The following TBL1XR1 variants were observed in gnomAD, a reference collection of about 807,000 sequenced individuals.
TBL1XR1 encodes the protein F-box-like/WD repeat-containing protein TBL1XR1.
Under a neutral mutation model 66.9 loss-of-function variants are expected in TBL1XR1, and 5 were observed. The ratio of observed to expected loss-of-function variants is 0.07; its 90% CI spans 0.04 to 0.16. TBL1XR1 has a LOEUF of 0.16. Among genes scored for constraint, TBL1XR1 ranks in the 10% least tolerant of loss-of-function variants. The probability of loss-of-function intolerance (pLI) is 1.00; values close to 1 mark genes in which losing one functional copy is unlikely to be tolerated. For synonymous variants in TBL1XR1, 210 were observed against 206.0 expected, an observed-to-expected ratio of 1.02 and a Z score of -0.17; for missense variants, 238 against 623.2, an observed-to-expected ratio of 0.38 and a Z score of 6.58.
chr3:177,082,738 T>TTTTATATATATATA lies in TBL1XR1; in HGVS notation c.-46+15727_-46+15728insTATATATATATAAA, dbSNP rs1450061640. Among the ~76,000 whole-genome samples the TTTTATATATATATA allele has an allele frequency of 0.01, 645 of 63,208 alleles. 83 individuals are homozygous for TTTTATATATATATA. The East Asian group carries it at 0.13, about 13-fold the overall frequency. 41.5% of individuals were successfully genotyped at this position (63,208 alleles called of 152,430 possible). A position where few individuals can be genotyped will look rare whatever the true frequency, so the allele number is the denominator to read the frequency against. ...TATTACTAAATTTCTAAGATAGAGA[T>TTTTATATATATATA]TATATATATATATATATATATATAT... On this transcript the variant is annotated intron_variant, in intron 2 of 15. Transcript: ENST00000457928.
chr3:177,078,073 T>G (rs1720908316), intron 2 of TBL1XR1, among the ~76,000 whole-genome samples: 1 of 152,202 alleles, frequency 6.6e-6, no homozygotes. Flanking sequence ...TTAACATTAT[T>G]ATGATGTCAC....
chr3:177,072,811 C>T (rs960713712), intron 2 of TBL1XR1, among the ~76,000 whole-genome samples: 7 of 152,196 alleles, frequency 4.6e-5, no homozygotes, highest in African/African-American at 1.7e-4. Context: ...CGCCTGTAAT[C>T]CCAACACTTT....
chr3:177,134,551 T>C (rs1728676406), intron 1 of TBL1XR1, among the ~76,000 whole-genome samples: 1 of 152,232 alleles, frequency 6.6e-6, no homozygotes, highest in Admixed American at 6.5e-5. Context: ...AAAACAGTAC[T>C]ACAATTTCCT....
In TBL1XR1 at chr3:177,103,572, A is replaced by G. The variant is rs185331861; in HGVS notation, c.-121-5031T>C. On this transcript the variant is annotated intron_variant, in intron 1 of 15. Coordinates refer to ENST00000457928, the MANE Select transcript of TBL1XR1 (RefSeq NM_024665.7). ...GAAAAATTCTAAAGAAAAGCAAATG[A>G]TATATTTTGACTGTTCTTCAAAAAT... 7.9e-5 allele frequency among the ~76,000 whole-genome samples: 12 copies of G among 152,328 alleles called. No homozygotes were observed. The East Asian group carries it at 2.3e-3, about 29-fold the overall frequency.
At chr3:177,139,534 CG>C (rs5854742) in intron 1 of TBL1XR1, among the ~76,000 whole-genome samples, 89,990 of 148,752 alleles carry the variant, frequency 0.6, 27,369 homozygotes, top group African/African-American at 0.69. Flanking sequence ...GACTCCATCT[CG>C]GGGGGAAAAA....
intron 10 of TBL1XR1, among the ~76,000 whole-genome samples, chr3:177,040,573 G>A (rs1715448697): frequency 6.6e-6 from 1 of 151,876 alleles, no homozygotes; most frequent in African/African-American, 2.4e-5. Flanking sequence ...TAAAAAGAAT[G>A]GGAAAAGAAG....
At chr3:177,058,024 T>C (rs1284263192) in intron 3 of TBL1XR1, among the ~76,000 whole-genome samples, 1 of 152,136 alleles carries the variant, frequency 6.6e-6, no homozygotes, top group Non-Finnish European at 1.5e-5. Flanking sequence ...AAAGGGGAGT[T>C]AGTCATACAG....
intron 2 of TBL1XR1, 141 bp from the exon 3 acceptor site, chr3:177,065,163 T>G (rs916660068): frequency 8.3e-6 from 4 of 481,406 alleles, no homozygotes; most frequent in Admixed American, 8.8e-5. Flanking sequence ...CCTGACAAAG[T>G]TGCTTCCAAT....
intron 1 of TBL1XR1, among the ~76,000 whole-genome samples, chr3:177,156,492 C>CA (rs201148329): frequency 4.1e-4 from 53 of 130,594 alleles, no homozygotes; most frequent in South Asian, 2.0e-3. Flanking sequence ...GACTCCATCT[C>CA]AAAAAAAAAA....
intron 1 of TBL1XR1, among the ~76,000 whole-genome samples, chr3:177,113,958 C>T (rs1261278722): frequency 6.6e-6 from 1 of 152,000 alleles, no homozygotes; most frequent in Non-Finnish European, 1.5e-5. Flanking sequence ...AAATTTAAAA[C>T]AGAAATAACC....
At chr3:177,043,555 T>G (rs1328320279) in intron 10 of TBL1XR1, among the ~76,000 whole-genome samples, 1 of 152,162 alleles carries the variant, frequency 6.6e-6, no homozygotes, top group Non-Finnish European at 1.5e-5. Context: ...GGTATTTATT[T>G]TTACATCATT....
At chr3:177,090,549 G>T (rs1030250832) in intron 2 of TBL1XR1, among the ~76,000 whole-genome samples, 1 of 150,168 alleles carries the variant, frequency 6.7e-6, no homozygotes, top group Non-Finnish European at 1.5e-5. Context: ...TCAGCTGGGT[G>T]CAGTGGCTCA....
intron 7 of TBL1XR1, chr3:177,047,753 T>A (rs1469356034): frequency 1.5e-5 from 8 of 549,912 alleles, no homozygotes; most frequent in Non-Finnish European, 2.3e-5. Context: ...TATGGGGGCC[T>A]TATATCCAAA....
intron 14 of TBL1XR1, among the ~76,000 whole-genome samples, chr3:177,028,981 A>C (rs1713551695): frequency 6.6e-6 from 1 of 152,228 alleles, no homozygotes; most frequent in Admixed American, 6.5e-5. Flanking sequence ...CCAAATGGAA[A>C]TATCTATACC....
chr3:177,170,926 A>G (rs1162840984), intron 1 of TBL1XR1, among the ~76,000 whole-genome samples: 2 of 152,056 alleles, frequency 1.3e-5, no homozygotes, highest in Non-Finnish European at 2.9e-5. Flanking sequence ...CTGTCCCTGG[A>G]TCCCCAGTTC....
chr3:177,190,359 A>G (rs146798513), intron 1 of TBL1XR1, among the ~76,000 whole-genome samples: 14 of 152,210 alleles, frequency 9.2e-5, no homozygotes, highest in African/African-American at 3.1e-4. Flanking sequence ...CTTGTTGACC[A>G]GGCTGGAGTG....
rs1174762722 is a variant in TBL1XR1 at position 177,022,919 on chromosome 3, T to C, written c.*2579A>G. 4 of 152,334 alleles carry C rather than the reference T, an allele frequency of 2.6e-5. No homozygotes were observed. The highest frequency in any genetic ancestry group is 1.3e-4 in the Admixed American group (2 of 15,246). 9.4% of individuals were successfully genotyped at this position (152,334 alleles called of 1,614,324 possible). A position where few individuals can be genotyped will look rare whatever the true frequency, so the allele number is the denominator to read the frequency against. On this transcript the variant is annotated 3_prime_UTR_variant, in exon 16 of 16. Transcript: ENST00000457928. ...AATGGATACCTTTCAGAAAAGTATATACTTAAAAGACCCAAGACGTCAGGA... is the reference window on the plus strand; with the variant it reads ...AATGGATACCTTTCAGAAAAGTATACACTTAAAAGACCCAAGACGTCAGGA...
intron 1 of TBL1XR1, among the ~76,000 whole-genome samples, chr3:177,116,002 G>C (rs981688325): frequency 1.6e-4 from 25 of 152,116 alleles, no homozygotes; most frequent in Admixed American, 1.4e-3. Context: ...TGAAAATAAA[G>C]AACAGGTGCA....
chr3:177,163,998 G>A (rs758892889), intron 1 of TBL1XR1: 4 of 152,086 alleles, frequency 2.6e-5, no homozygotes, highest in African/African-American at 7.2e-5. Context: ...TTCCCAATAC[G>A]TTCCTGAAAA....
Sources: allele counts gnomAD v4.1 joint callset (sites outside exome capture counted in the v4.1 genomes callset), GRCh38; gene constraint gnomAD v4.1.1; transcripts MANE v1.5; gene names NCBI Gene and HGNC (gene_info 2026-07-23, HGNC 2026-07-21).